The following CHERP variants were observed in gnomAD, a reference collection of about 807,000 sequenced individuals.
CHERP encodes the protein ERPROT 213-21.
A neutral mutation model predicts 113.8 loss-of-function variants in CHERP; 8 were observed. That is an observed-to-expected ratio of 0.07 (90% CI 0.04 to 0.13). The LOEUF is 0.13. CHERP is among the 10% of genes least tolerant of loss of function. CHERP has a pLI of 1.00. For missense variants in CHERP, 884 were observed against 1,298.2 expected (o/e 0.68, Z 4.90); for synonymous variants, 559 against 524.5 (o/e 1.07, Z -0.90).
At chr19:16,522,599 C>T (rs745787871) in intron 11 of CHERP, among the ~76,000 whole-genome samples, 29 of 152,278 alleles carry the variant, frequency 1.9e-4, no homozygotes, top group Non-Finnish European at 3.7e-4. Flanking sequence ...CCCTATGCTC[C>T]GGCCATCCCA....
intron 1 of CHERP, 112 bp from the exon 2 acceptor site, chr19:16,542,155 C>G: frequency 7.9e-7 from 1 of 1,266,682 alleles, no homozygotes; most frequent in Non-Finnish European, 1.1e-6. Context: ...GGGGTGGGCC[C>G]CGAAGAGGCC....
At position 16,519,056 on chromosome 19, in the gene CHERP, G is replaced by T; in HGVS notation, c.*103C>A. On this transcript the variant is annotated 3_prime_UTR_variant, in exon 17 of 17. Coordinates refer to ENST00000546361, the MANE Select transcript of CHERP (RefSeq NM_006387.6). The surrounding 1 kb of genome is among the most constrained non-coding windows in gnomAD (Gnocchi z 6.0). ...CCTGTGGCTCTCCACAAGTGGAGAC[G>T]GTGTAAGAACTGAGCTGTCACTGCA... 9.7e-7 allele frequency: 1 copy of T among 1,027,276 alleles called. No homozygotes were observed. The highest frequency in any genetic ancestry group is 1.6e-5 in the African/African-American group (1 of 61,804). The allele number at this position is 1,027,276 out of a possible 1,614,324, so 63.6% of individuals were successfully genotyped here.
At position 16,520,124 on chromosome 19, in the gene CHERP, C is replaced by CTGCT. The variant is rs1568503530; in HGVS notation, c.2462+24_2462+25insAGCA. On this transcript the variant is annotated intron_variant, in intron 15 of 16. Transcript: ENST00000546361. This position sits in a 1 kb window ranked among gnomAD's most constrained non-coding sequence, Gnocchi z 4.0. ...CACCGCAGCTTCCCAGAGTTACCAGCGCAGCACTTAAGACAGGATCTTACG... is the reference window on the plus strand; with the variant it reads ...CACCGCAGCTTCCCAGAGTTACCAGCTGCTGCAGCACTTAAGACAGGATCTTACG... 9 of 1,601,666 alleles carry CTGCT rather than the reference C, an allele frequency of 5.6e-6. No individual in the cohort carries two copies. Among genetic ancestry groups the CTGCT allele is most frequent in the Non-Finnish European group, 7.7e-6 (9 of 1,170,656 alleles).
In CHERP at chr19:16,519,127, C is replaced by G; in HGVS notation, c.*32G>C. 6.3e-7 allele frequency: 1 copy of G among 1,595,554 alleles called. No individual in the cohort carries two copies. Among genetic ancestry groups the G allele is most frequent in the Non-Finnish European group, 8.5e-7 (1 of 1,170,934 alleles). ...CAGGAAGGTCCCACAGCCGGCACCG[C>G]TGGCCACCGGCGCGGCTCCCGGCAT... On this transcript the variant is annotated 3_prime_UTR_variant, in exon 17 of 17. Coordinates refer to ENST00000546361, the MANE Select transcript of CHERP (RefSeq NM_006387.6). This position sits in a 1 kb window ranked among gnomAD's most constrained non-coding sequence, Gnocchi z 6.0.
intron 9 of CHERP, chr19:16,526,152 A>G (rs1432134028): frequency 2.5e-5 from 4 of 161,508 alleles, no homozygotes; most frequent in Non-Finnish European, 5.4e-5. Flanking sequence ...CTGGGCAGAT[A>G]CACTGCGGCA....
chr19:16,522,998 A>G, intron 11 of CHERP, 54 bp downstream of exon 11: 1 of 1,473,204 alleles, frequency 6.8e-7, no homozygotes, highest in Non-Finnish European at 9.0e-7. Context: ...ACAAGGAGAA[A>G]CGGGGACCAG....
chr19:16,539,518 T>C (rs999510635), intron 2 of CHERP, among the ~76,000 whole-genome samples: 5 of 151,968 alleles, frequency 3.3e-5, no homozygotes, highest in African/African-American at 4.8e-5. Flanking sequence ...GCACATACAA[T>C]ATTTTGCTTA....
At chr19:16,521,476 G>GGGGA in intron 12 of CHERP, 45 bp downstream of exon 12, 1 of 1,491,628 alleles carries the variant, frequency 6.7e-7, no homozygotes, top group Non-Finnish European at 8.9e-7. Flanking sequence ...AGCCGGGAGA[G>GGGGA]GGGACAGAGG....
chr19:16,522,769 G>A (rs554588702), intron 11 of CHERP, among the ~76,000 whole-genome samples: 8 of 152,310 alleles, frequency 5.3e-5, no homozygotes, highest in South Asian at 2.1e-4. Context: ...CAAGAAGGAC[G>A]AAGAGAGGAC....
intron 2 of CHERP, among the ~76,000 whole-genome samples, chr19:16,539,497 G>T (rs747193742): frequency 5.9e-5 from 9 of 152,112 alleles, no homozygotes; most frequent in Non-Finnish European, 1.3e-4. Context: ...GATCGCTCTA[G>T]AAACACATAA....
In CHERP at chr19:16,525,744, G is replaced by A. The variant is rs2085653723; in HGVS notation, c.1306-67C>T. Reference sequence around the variant, plus strand: ...CCCTAGTGCTCGGCAGCATCACAGCGCTCGGCAGCATCACAGCGCTGGCTC... The same window carrying A: ...CCCTAGTGCTCGGCAGCATCACAGCACTCGGCAGCATCACAGCGCTGGCTC... On this transcript the variant is annotated intron_variant, in intron 9 of 16. Transcript: ENST00000546361. This position sits in a 1 kb window ranked among gnomAD's most constrained non-coding sequence, Gnocchi z 6.5. The A allele has an allele frequency of 2.2e-6, 3 of 1,366,704 alleles. No homozygotes were observed. In the Admixed American group the frequency reaches 8.4e-5, roughly 38 times the overall value. 84.7% of individuals were successfully genotyped at this position (1,366,704 alleles called of 1,614,324 possible). A position where few individuals can be genotyped will look rare whatever the true frequency, so the allele number is the denominator to read the frequency against.
intron 2 of CHERP, among the ~76,000 whole-genome samples, chr19:16,539,453 C>T (rs1309473221): frequency 3.3e-5 from 5 of 152,242 alleles, no homozygotes; most frequent in East Asian, 3.9e-4. Context: ...GGCCTAGCAA[C>T]GGTTTTAAAC....
At position 16,519,244 on chromosome 19, in the gene CHERP, G is replaced by GCCACGC. The variant is rs2085582786; in HGVS notation, c.2660_2665dup (p.Gly887_Val888dup). ...GTAGTTCTCATAGGGGTCATCCAGA[G>GCCACGC]CCACGCCCACGCCTTTATACTGGTC... On this transcript the variant is annotated inframe_insertion, in exon 17 of 17. Coordinates refer to ENST00000546361, the MANE Select transcript of CHERP (RefSeq NM_006387.6). This position sits in a 1 kb window ranked among gnomAD's most constrained non-coding sequence, Gnocchi z 6.0. 6.2e-7 allele frequency: 1 copy of GCCACGC among 1,613,964 alleles called. No individual in the cohort carries two copies.
chr19:16,540,995 C>T (rs1490851891), intron 2 of CHERP, among the ~76,000 whole-genome samples: 2 of 152,146 alleles, frequency 1.3e-5, no homozygotes, highest in Non-Finnish European at 2.9e-5. Context: ...CTGCAACAGG[C>T]CTCCTTTCAA....
In CHERP at chr19:16,519,195, G is replaced by A; in HGVS notation, c.2715C>T (p.Phe905=). 6.2e-7 allele frequency: 1 copy of A among 1,614,000 alleles called. No homozygotes were observed. Among genetic ancestry groups the A allele is most frequent in the Non-Finnish European group, 8.5e-7 (1 of 1,180,028 alleles). ...CGTCCCTGGCCTTCATGCGGGCGAT[G>A]AAGGAGTAGCTCTTGTTCCTGCGGT... ...ENYRRNKSYS[F]IARMKARDEC... The change falls in exon 17 of 17, where the codon TTC becomes TTT. Residue 905 remains phenylalanine (F), a synonymous_variant. Transcript: ENST00000546361. The surrounding 1 kb of genome is among the most constrained non-coding windows in gnomAD (Gnocchi z 6.0).
chr19:16,536,127 G>A (rs929757031), intron 2 of CHERP, among the ~76,000 whole-genome samples: 4 of 152,150 alleles, frequency 2.6e-5, no homozygotes, highest in African/African-American at 9.7e-5. Flanking sequence ...GCACGAAGCC[G>A]CACCCCCGAG....
chr19:16,521,733 T>A, intron 11 of CHERP, 79 bp from the exon 12 acceptor site: 2 of 1,391,096 alleles, frequency 1.4e-6, no homozygotes, highest in Admixed American at 2.7e-5. Flanking sequence ...AGGAGTGGGG[T>A]CAGGGCAGGG....
In CHERP at chr19:16,535,358, CACTG is replaced by C. The variant is rs2085734023; in HGVS notation, c.384+90_384+93del. The C allele has an allele frequency of 7.2e-7, 1 of 1,383,924 alleles. No homozygotes were observed. The allele number at this position is 1,383,924 out of a possible 1,614,324, so 85.7% of individuals were successfully genotyped here. A position where few individuals can be genotyped will look rare whatever the true frequency, so the allele number is the denominator to read the frequency against. On this transcript the variant is annotated intron_variant, in intron 3 of 16. Transcript: ENST00000546361. This position sits in a 1 kb window ranked among gnomAD's most constrained non-coding sequence, Gnocchi z 4.3. ...TGGGTGGCAGGGGGGGCCCTGTCCT[CACTG>C]ACACCTGTTATTCATTCTGATGAGC...
rs898469650 is a variant in CHERP, at chr19:16,532,917, T to C, written c.522+94A>G. 15 of 1,515,530 alleles carry C rather than the reference T, an allele frequency of 9.9e-6. No individual in the cohort carries two copies. The highest frequency in any genetic ancestry group is 7.3e-5 in the East Asian group (3 of 40,994). 93.9% of individuals were successfully genotyped at this position (1,515,530 alleles called of 1,614,324 possible). A position where few individuals can be genotyped will look rare whatever the true frequency, so the allele number is the denominator to read the frequency against. On this transcript the variant is annotated intron_variant, in intron 4 of 16. Coordinates refer to ENST00000546361, the MANE Select transcript of CHERP (RefSeq NM_006387.6). This position sits in a 1 kb window ranked among gnomAD's most constrained non-coding sequence, Gnocchi z 4.4. ...TCCAGGCGGGAGGGAAGGGCACCCA[T>C]TGTAACAGCCCTTAGCCCAGATTGG...
Sources: allele counts gnomAD v4.1 joint callset (sites outside exome capture counted in the v4.1 genomes callset), GRCh38; gene constraint gnomAD v4.1.1; non-coding constraint Gnocchi (gnomAD v3.1); transcripts MANE v1.5; gene names NCBI Gene and HGNC (gene_info 2026-07-23, HGNC 2026-07-21).